Variants in PCDHGB2 observed in about 807,000 individuals in gnomAD.
PCDHGB2 encodes protocadherin gamma-B2.
In PCDHGB2, 55 loss-of-function variants were observed where a neutral mutation model predicts 59.3. The observed-to-expected ratio is 0.93, with a 90% CI of 0.75 to 1.16. PCDHGB2 has a LOEUF of 1.16. Ranked by LOEUF, PCDHGB2 falls within the 50% of genes most tolerant of loss-of-function variation. PCDHGB2 has a pLI of 0.00. For missense variants in PCDHGB2, 1,228 were observed against 1,198.5 expected (o/e 1.02, Z -0.36); for synonymous variants, 516 against 512.0 (o/e 1.01, Z -0.11).
intron 1 of PCDHGB2, chr5:141,375,109 T>C (rs199796645): frequency 4.0e-5 from 65 of 1,613,834 alleles, no homozygotes; most frequent in Non-Finnish European, 5.3e-5. Flanking sequence ...ATGTCAATGA[T>C]AATGTACCAG....
At chr5:141,423,838 T>G in intron 1 of PCDHGB2, 1 of 1,279,552 alleles carries the variant, frequency 7.8e-7, no homozygotes, top group South Asian at 3.5e-5. Context: ...GAGATTACGA[T>G]AATCTTTCAG....
intron 1 of PCDHGB2, chr5:141,364,717 C>A (rs1763499272): frequency 6.2e-7 from 1 of 1,613,970 alleles, no homozygotes; most frequent in Non-Finnish European, 8.5e-7. Flanking sequence ...TTAATGATAA[C>A]TTCCCGCGTT....
intron 2 of PCDHGB2, among the ~76,000 whole-genome samples, chr5:141,495,377 G>A (rs558501090): frequency 1.9e-4 from 29 of 152,330 alleles, no homozygotes; most frequent in Admixed American, 6.5e-4. Flanking sequence ...ACTGAGGAAG[G>A]ACTGGGCGGG....
At chr5:141,365,624 C>A in intron 1 of PCDHGB2, 1 of 1,613,680 alleles carries the variant, frequency 6.2e-7, no homozygotes, top group Non-Finnish European at 8.5e-7. Context: ...AACCCCGCCC[C>A]TCTCTACAGA....
chr5:141,427,199 A>G (rs900332017), intron 1 of PCDHGB2: 5 of 456,766 alleles, frequency 1.1e-5, no homozygotes, highest in Non-Finnish European at 2.2e-5. Context: ...AAGACTTAAT[A>G]GACTTCGAAT....
intron 1 of PCDHGB2, chr5:141,383,899 C>T (rs560928380): frequency 1.2e-6 from 2 of 1,613,958 alleles, no homozygotes; most frequent in African/African-American, 2.7e-5. Context: ...GGCAAAAGTA[C>T]TGATCACAGT....
intron 1 of PCDHGB2, chr5:141,371,845 A>G: frequency 6.2e-7 from 1 of 1,613,664 alleles, no homozygotes; most frequent in Non-Finnish European, 8.5e-7. Flanking sequence ...TTGGGACCTA[A>G]TGGCCTTGTC....
chr5:141,368,261 C>A (rs1765551887), intron 1 of PCDHGB2, among the ~76,000 whole-genome samples: 1 of 152,202 alleles, frequency 6.6e-6, no homozygotes, highest in African/African-American at 2.4e-5. Flanking sequence ...TTAATTGACA[C>A]ATTAAAGAAC....
intron 1 of PCDHGB2, chr5:141,422,532 A>G (rs752364905): frequency 6.2e-7 from 1 of 1,614,030 alleles, no homozygotes; most frequent in South Asian, 1.1e-5. Flanking sequence ...CTTTGTCTGC[A>G]GAAACTCATG....
At chr5:141,507,831 T>C (rs2099864030) in intron 3 of PCDHGB2, among the ~76,000 whole-genome samples, 1 of 152,134 alleles carries the variant, frequency 6.6e-6, no homozygotes, top group African/African-American at 2.4e-5. Context: ...GTGGAGGTGG[T>C]GGGTCAGGCC....
chr5:141,360,241 T>C lies in PCDHGB2; in HGVS notation c.106T>C (p.Ser36Pro), dbSNP rs371403228. The C allele has an allele frequency of 6.4e-5, 103 of 1,613,930 alleles. No homozygotes were observed. The African/African-American group carries it at 1.3e-3, about 20-fold the overall frequency. ...PGALPVQIRY[S>P]IPEELAKNSV... ...GGCTCTCCCAGTCCAGATCCGCTATTCAATTCCAGAGGAGCTGGCCAAAAA... is the reference window on the plus strand; with the variant it reads ...GGCTCTCCCAGTCCAGATCCGCTATCCAATTCCAGAGGAGCTGGCCAAAAA... Residue 36 changes from serine to proline, a missense_variant, in exon 1 of 4, where the codon TCA (serine) becomes CCA (proline). Transcript: ENST00000522605.
intron 1 of PCDHGB2, among the ~76,000 whole-genome samples, chr5:141,462,029 G>A (rs535977332): frequency 6.6e-6 from 1 of 152,260 alleles, no homozygotes; most frequent in East Asian, 1.9e-4. Context: ...CTTCATGTTG[G>A]TCAGGCGGGT....
At chr5:141,389,341 CT>C in intron 1 of PCDHGB2, 1 of 1,614,016 alleles carries the variant, frequency 6.2e-7, no homozygotes, top group Admixed American at 1.7e-5. Flanking sequence ...GGCCAAGTCT[CT>C]TACTGCATCA....
At chr5:141,492,449 T>C (rs1045043841) in intron 1 of PCDHGB2, among the ~76,000 whole-genome samples, 50 of 152,314 alleles carry the variant, frequency 3.3e-4, no homozygotes, top group African/African-American at 1.2e-3. Flanking sequence ...TAGCTGATTG[T>C]GCGCGCCTGA....
intron 1 of PCDHGB2, chr5:141,402,990 T>A (rs773089843): frequency 1.6e-5 from 26 of 1,611,934 alleles, no homozygotes; most frequent in Non-Finnish European, 2.0e-5. Context: ...CGCGGAAGAT[T>A]AGTCCTGCTA....
chr5:141,439,773 C>G (rs1323463060), intron 1 of PCDHGB2: 2 of 152,344 alleles, frequency 1.3e-5, no homozygotes, highest in East Asian at 3.9e-4. Flanking sequence ...TCCTTCTTGG[C>G]TGGAGATTCT....
At chr5:141,478,231 T>C (rs1423148) in intron 1 of PCDHGB2, 739,438 of 1,613,786 alleles carry the variant, frequency 0.46, 177,434 homozygotes, top group African/African-American at 0.83. Flanking sequence ...CTGTGGGGTT[T>C]GTGGTCACAG....
chr5:141,380,135 A>G lies in PCDHGB2; in HGVS notation c.2421+17579A>G, dbSNP rs142315554. 7.2e-4 allele frequency among the ~76,000 whole-genome samples: 110 copies of G among 151,952 alleles called. 5 individuals carry two copies. The East Asian group carries it at 0.018, about 25-fold the overall frequency. On this transcript the variant is annotated intron_variant, in intron 1 of 3. Transcript: ENST00000522605. ...GGCTGGTCTCAAACTCCTGACCTTA[A>G]GTGATCCACCCGCCTCAGCCTCTCA...
intron 1 of PCDHGB2, chr5:141,382,935 A>C: frequency 6.3e-7 from 1 of 1,589,148 alleles, no homozygotes; most frequent in Non-Finnish European, 8.6e-7. Flanking sequence ...ACTACAGAGG[A>C]TTCTTCCTGC....
Sources: gnomAD v4.1 joint callset for allele counts (sites outside exome capture counted in the v4.1 genomes callset) on GRCh38, gnomAD v4.1.1 for gene constraint, MANE v1.5 for transcripts, NCBI Gene and HGNC (gene_info 2026-07-23, HGNC 2026-07-21) for gene names.